Variants in NEO1 observed in about 807,000 individuals in gnomAD.
NEO1 encodes the protein neogenin.
NEO1 carries 63 observed loss-of-function variants against 159.7 expected under a neutral mutation model. The observed-to-expected ratio is 0.39, with a 90% CI of 0.32 to 0.49. The LOEUF is 0.49. Among genes scored for constraint, NEO1 ranks in the 20% least tolerant of loss-of-function variants. The pLI is 0.85. For missense variants in NEO1, 1,615 were observed against 1,831.0 expected, an observed-to-expected ratio of 0.88 and a Z score of 2.15; for synonymous variants, 633 against 662.0, an observed-to-expected ratio of 0.96 and a Z score of 0.67.
intron 1 of NEO1, among the ~76,000 whole-genome samples, chr15:73,068,223 A>AACCCCC (rs2068324455): frequency 1.2e-5 from 1 of 82,972 alleles, no homozygotes. Flanking sequence ...TTGTCCCCCT[A>AACCCCC]CCCCCCCCCC....
intron 4 of NEO1, among the ~76,000 whole-genome samples, chr15:73,130,698 C>A (rs564287850): frequency 1.1e-3 from 167 of 152,326 alleles, no homozygotes; most frequent in Non-Finnish European, 2.2e-3. Context: ...AATGAGGCCC[C>A]TCCCATGTAA....
At chr15:73,058,883 C>G (rs2067845873) in intron 1 of NEO1, among the ~76,000 whole-genome samples, 1 of 152,134 alleles carries the variant, frequency 6.6e-6, no homozygotes, top group African/African-American at 2.4e-5. Flanking sequence ...TTATTGTGTT[C>G]CAACACTGGT....
At chr15:73,150,110 A>C (rs913194214) in intron 5 of NEO1, among the ~76,000 whole-genome samples, 2 of 152,186 alleles carry the variant, frequency 1.3e-5, no homozygotes, top group African/African-American at 4.8e-5. Flanking sequence ...TTGTAGTTTC[A>C]AAGCAGAATT....
intron 26 of NEO1, 82 bp from the exon 27 acceptor site, chr15:73,298,266 A>G: frequency 6.4e-7 from 1 of 1,553,154 alleles, no homozygotes; most frequent in Non-Finnish European, 8.8e-7. Flanking sequence ...GGTTTAGGGA[A>G]CCCCTAGAAG....
At chr15:73,058,273 T>C (rs952429015) in intron 1 of NEO1, among the ~76,000 whole-genome samples, 9 of 152,198 alleles carry the variant, frequency 5.9e-5, no homozygotes, top group Non-Finnish European at 1.2e-4. Context: ...TAATCTTTTA[T>C]ACAGTCCTGT....
At chr15:73,200,027 T>C (rs2036767663) in intron 7 of NEO1, among the ~76,000 whole-genome samples, 1 of 152,204 alleles carries the variant, frequency 6.6e-6, no homozygotes, top group South Asian at 2.1e-4. Flanking sequence ...GGGAACACTG[T>C]CATTCAGATC....
At chr15:73,268,902 T>C (rs1317983831) in intron 16 of NEO1, among the ~76,000 whole-genome samples, 2 of 152,196 alleles carry the variant, frequency 1.3e-5, no homozygotes, top group African/African-American at 4.8e-5. Flanking sequence ...TTCTAAAGTT[T>C]GTGAAGTTTG....
At chr15:73,072,259 A>T in intron 1 of NEO1, among the ~76,000 whole-genome samples, 1 of 150,152 alleles carries the variant, frequency 6.7e-6, no homozygotes, top group African/African-American at 2.4e-5. Context: ...CCAGCTTTTA[A>T]TTTTTTTTTT....
intron 28 of NEO1, 142 bp downstream of exon 28, chr15:73,301,599 A>G (rs1283176291): frequency 8.9e-7 from 1 of 1,117,862 alleles, no homozygotes; most frequent in East Asian, 2.6e-5. Context: ...CATTCAGTAG[A>G]TACAGTGTTG....
intron 18 of NEO1, among the ~76,000 whole-genome samples, chr15:73,271,871 C>T (rs541313855): frequency 4.1e-4 from 59 of 144,098 alleles, no homozygotes; most frequent in African/African-American, 1.5e-3. Flanking sequence ...TGTGCCACTG[C>T]ACTCCAGCCT....
At chr15:73,073,671 G>A (rs1008350734) in intron 1 of NEO1, among the ~76,000 whole-genome samples, 9 of 152,092 alleles carry the variant, frequency 5.9e-5, no homozygotes, top group Admixed American at 2.0e-4. Flanking sequence ...ATAAGAACAG[G>A]TGAATATTAT....
chr15:73,290,334 G>A (rs35031381), intron 25 of NEO1, among the ~76,000 whole-genome samples: 10,879 of 139,542 alleles, frequency 0.078, 474 homozygotes, highest in South Asian at 0.099. Context: ...TCCACCTCCC[G>A]GGTTCAAGCA....
intron 1 of NEO1, among the ~76,000 whole-genome samples, chr15:73,054,469 T>C (rs1201133502): frequency 6.6e-6 from 1 of 152,158 alleles, no homozygotes; most frequent in Admixed American, 6.5e-5. Context: ...CAGTCTGGTG[T>C]GTGGGTAGGA....
intron 9 of NEO1, among the ~76,000 whole-genome samples, chr15:73,246,365 C>T (rs1372172221): frequency 1.3e-5 from 2 of 152,108 alleles, no homozygotes; most frequent in African/African-American, 4.8e-5. Flanking sequence ...AGTGTGTTCT[C>T]ATTACAGGCA....
intron 7 of NEO1, among the ~76,000 whole-genome samples, chr15:73,198,359 T>C (rs1352095737): frequency 2.6e-5 from 4 of 152,214 alleles, no homozygotes; most frequent in African/African-American, 7.2e-5. Context: ...TATTTTATGA[T>C]AAATTTCTCA....
chr15:73,144,853 T>C (rs1026310918), intron 5 of NEO1, among the ~76,000 whole-genome samples: 4 of 152,208 alleles, frequency 2.6e-5, no homozygotes, highest in Non-Finnish European at 5.9e-5. Flanking sequence ...AACATGAAAA[T>C]CATTCTTGAT....
At position 73,283,189 on chromosome 15, in the gene NEO1, G is replaced by A. The variant is rs1054835498; in HGVS notation, c.3410+78G>A. 8.2e-6 allele frequency: 12 copies of A among 1,458,126 alleles called. No homozygotes were observed. The African/African-American group carries it at 1.3e-4, about 16-fold the overall frequency. The allele number at this position is 1,458,126 out of a possible 1,614,324, so 90.3% of individuals were successfully genotyped here. On this transcript the variant is annotated intron_variant, in intron 23 of 28. Transcript: ENST00000261908. ...CCATGTGACTTCTGTATATGGAGTG[G>A]TACACAAAGTTAAGACATAAAAATA...
At chr15:73,185,673 C>T (rs2035878755) in intron 7 of NEO1, among the ~76,000 whole-genome samples, 2 of 152,124 alleles carry the variant, frequency 1.3e-5, no homozygotes, top group Admixed American at 1.3e-4. Flanking sequence ...ACAAAATTTA[C>T]ACACAAATGT....
At chr15:73,154,168 A>AT (rs2033597306) in intron 5 of NEO1, among the ~76,000 whole-genome samples, 2 of 152,154 alleles carry the variant, frequency 1.3e-5, no homozygotes, top group Non-Finnish European at 2.9e-5. Context: ...CAAAGCCCAG[A>AT]TTAAAAGCTC....
Sources: gnomAD v4.1 joint callset for allele counts (sites outside exome capture counted in the v4.1 genomes callset) on GRCh38, gnomAD v4.1.1 for gene constraint, MANE v1.5 for transcripts, NCBI Gene and HGNC (gene_info 2026-07-23, HGNC 2026-07-21) for gene names.